Variants in DGKB observed in about 807,000 individuals in gnomAD.
The protein encoded by DGKB is diacylglycerol kinase beta, also known as 90 kDa diacylglycerol kinase.
DGKB carries 67 observed loss-of-function variants against 114.3 expected under a neutral mutation model. The ratio of observed to expected loss-of-function variants is 0.59; its 90% CI spans 0.48 to 0.72. The LOEUF is 0.72. Ranked by LOEUF, DGKB falls within the 30% of genes least tolerant of loss-of-function variation. The probability of loss-of-function intolerance (pLI) is 0.00; values close to 1 mark genes in which losing one functional copy is unlikely to be tolerated. For missense variants in DGKB, 907 were observed against 975.2 expected (o/e 0.93, Z 0.93); for synonymous variants, 398 against 323.1 (o/e 1.23, Z -2.49).
At chr7:14,910,298 GAAAGAAAGAAAGAAA>G (rs1783930908) in intron 1 of DGKB, among the ~76,000 whole-genome samples, 1 of 116,742 alleles carries the variant, frequency 8.6e-6, no homozygotes, top group African/African-American at 3.1e-5. Flanking sequence ...AAGAAAGAAA[GAAAGAAAGAAAGAAA>G]GAACCTTATA....
In DGKB at chr7:14,757,692, T is replaced by C. The variant is rs765330524; in HGVS notation, c.110A>G (p.His37Arg). The C allele has an allele frequency of 1.9e-6, 3 of 1,606,418 alleles. No homozygotes were observed. The highest frequency in any genetic ancestry group is 1.7e-5 in the Admixed American group (1 of 59,434). ...ATACTTTGCAAGCACACCATTACCA[T>C]GGAATTCTTCAAGAACATCCTTTAA... ...KKLKDVLEEF[H>R]GNGVLAKYNP... The change falls in exon 3 of 26, where the codon CAT becomes CGT. Residue 37 changes from histidine (H) to arginine (R), a missense_variant. Physicochemically the swap from His to Arg is conservative, Grantham distance 29. This residue lies in a region of DGKB where 814 missense variants were observed against 856.6 expected (regional missense o/e 0.95). Transcript: ENST00000402815.
chr7:14,812,429 G>C (rs1843568039), intron 2 of DGKB, among the ~76,000 whole-genome samples: 1 of 151,888 alleles, frequency 6.6e-6, no homozygotes, highest in African/African-American at 2.4e-5. Flanking sequence ...AGTATTTATA[G>C]TCCTTCTTCC....
intron 25 of DGKB, among the ~76,000 whole-genome samples, chr7:14,170,865 G>A (rs1363993233): frequency 6.6e-6 from 1 of 152,170 alleles, no homozygotes; most frequent in Non-Finnish European, 1.5e-5. Flanking sequence ...CTTCCTAGTA[G>A]AGGACACAAA....
At chr7:14,836,783 G>T (rs1028275500) in intron 2 of DGKB, among the ~76,000 whole-genome samples, 1 of 152,218 alleles carries the variant, frequency 6.6e-6, no homozygotes, top group Non-Finnish European at 1.5e-5. Context: ...AGCAGGCTCC[G>T]TATCAGCTGC....
At chr7:14,893,615 T>A (rs1273786622) in intron 1 of DGKB, among the ~76,000 whole-genome samples, 3 of 151,318 alleles carry the variant, frequency 2.0e-5, no homozygotes, top group East Asian at 1.9e-4. Flanking sequence ...ATCTCTTTAA[T>A]CATATAGCCA....
intron 8 of DGKB, among the ~76,000 whole-genome samples, chr7:14,697,839 G>A (rs971547334): frequency 7.2e-6 from 1 of 138,930 alleles, no homozygotes; most frequent in Non-Finnish European, 1.5e-5. Context: ...AGAGAAGGAA[G>A]GAAGGGAGAG....
intron 12 of DGKB, 74 bp downstream of exon 12, chr7:14,682,479 G>T (rs1335362797): frequency 2.0e-6 from 2 of 987,800 alleles, no homozygotes; most frequent in East Asian, 4.8e-5. Context: ...TCTAGGGTAG[G>T]ACTTTCAGAG....
chr7:14,273,909 A>T (rs967121187), intron 23 of DGKB, among the ~76,000 whole-genome samples: 4 of 152,242 alleles, frequency 2.6e-5, no homozygotes, highest in Non-Finnish European at 5.9e-5. Flanking sequence ...GATAATCAAG[A>T]TGACAATACC....
At chr7:14,169,364 C>CAAAAAAAAAA (rs35418998) in intron 25 of DGKB, among the ~76,000 whole-genome samples, 34 of 65,268 alleles carry the variant, frequency 5.2e-4, no homozygotes, top group Non-Finnish European at 8.2e-4. Context: ...GACTCCGTCT[C>CAAAAAAAAAA]AAAAAAAAAA....
At chr7:14,394,666 A>T (rs1290826358) in intron 21 of DGKB, among the ~76,000 whole-genome samples, 30 of 149,540 alleles carry the variant, frequency 2.0e-4, no homozygotes, top group Non-Finnish European at 2.2e-4. Context: ...ATCAATGACC[A>T]TTTTTTTTTT....
At position 14,777,871 on chromosome 7, in the gene DGKB, G is replaced by C. The variant is rs528256405; in HGVS notation, c.71-20140C>G. Among the ~76,000 whole-genome samples the C allele has an allele frequency of 4.4e-3, 668 of 152,130 alleles. 8 individuals carry two copies. The highest frequency in any genetic ancestry group is 0.015 in the African/African-American group (626 of 41,500). On this transcript the variant is annotated intron_variant, in intron 2 of 25. Transcript: ENST00000402815. Reference sequence around the variant, plus strand: ...TTAATATCCTGCTTAATTTGCCCTTGAGCAAGTTTGAACTAATTTAATTTG... The same window carrying C: ...TTAATATCCTGCTTAATTTGCCCTTCAGCAAGTTTGAACTAATTTAATTTG...
At position 14,721,732 on chromosome 7, in the gene DGKB, G is replaced by A. The variant is rs572233873; in HGVS notation, c.323-3047C>T. ...CTTAAGTCCAATAGCAGCCAAATTTGAGAGGTAAAATATATATTTTTGGAA... is the reference window on the plus strand; with the variant it reads ...CTTAAGTCCAATAGCAGCCAAATTTAAGAGGTAAAATATATATTTTTGGAA... On this transcript the variant is annotated intron_variant, in intron 5 of 25. Coordinates refer to ENST00000402815, the MANE Select transcript of DGKB (RefSeq NM_001350709.2). 3.3e-5 allele frequency among the ~76,000 whole-genome samples: 5 copies of A among 152,222 alleles called. No homozygotes were observed. In the East Asian group the frequency reaches 9.7e-4, roughly 29 times the overall value.
At chr7:14,364,430 G>C (rs1203156977) in intron 21 of DGKB, among the ~76,000 whole-genome samples, 2 of 151,618 alleles carry the variant, frequency 1.3e-5, no homozygotes, top group Non-Finnish European at 2.9e-5. Context: ...AAGGAAGGAA[G>C]GAAGGAAGGA....
rs530600448 is a variant in DGKB, at chr7:14,858,726, A to C, written c.-187-17276T>G. Among the ~76,000 whole-genome samples, 14 of 152,302 alleles carry C rather than the reference A, an allele frequency of 9.2e-5. No individual in the cohort carries two copies. The South Asian group carries it at 2.5e-3, about 27-fold the overall frequency. ...GATCAACCAGATCAGCAGAAAGCCG[A>C]GATATGAGTAGGAGCTTTAGGTAAT... On this transcript the variant is annotated intron_variant, in intron 1 of 25. Transcript: ENST00000402815.
At chr7:14,237,486 AG>A (rs150155038) in intron 23 of DGKB, among the ~76,000 whole-genome samples, 3,879 of 152,080 alleles carry the variant, frequency 0.026, 166 homozygotes, top group African/African-American at 0.089. Context: ...GTCCTTGCCT[AG>A]GCCACCAAAT....
rs1221289399 is a variant in DGKB, at chr7:14,594,410, G to T, written c.1434-11273C>A. Among the ~76,000 whole-genome samples the T allele has an allele frequency of 2.6e-5, 4 of 152,012 alleles. No homozygotes were observed. The East Asian group carries it at 7.7e-4, about 29-fold the overall frequency. On this transcript the variant is annotated intron_variant, in intron 17 of 25. Coordinates refer to ENST00000402815, the MANE Select transcript of DGKB (RefSeq NM_001350709.2). ...TGTAAGTTACATGACTAAACATAGA[G>T]AATTGACAGACAATTCTGATGTAGT...
At chr7:14,823,967 G>C (rs1445036272) in intron 2 of DGKB, among the ~76,000 whole-genome samples, 1 of 152,150 alleles carries the variant, frequency 6.6e-6, no homozygotes, top group East Asian at 1.9e-4. Context: ...TTGACTCATA[G>C]TTCCACATGG....
At chr7:14,879,663 A>G (rs1853915592) in intron 1 of DGKB, among the ~76,000 whole-genome samples, 1 of 152,198 alleles carries the variant, frequency 6.6e-6, no homozygotes, top group Non-Finnish European at 1.5e-5. Flanking sequence ...TGACCCAACA[A>G]AAACATTCGT....
intron 2 of DGKB, among the ~76,000 whole-genome samples, chr7:14,760,114 T>C (rs979501): frequency 0.25 from 37,871 of 152,054 alleles, 5,868 homozygotes; most frequent in African/African-American, 0.43. Context: ...GTTTGTCTTT[T>C]TGTTGTGGAC....
Sources: gnomAD v4.1 joint callset for allele counts (sites outside exome capture counted in the v4.1 genomes callset) on GRCh38, gnomAD v4.1.1 for gene constraint, gnomAD v4.1.1 regional missense constraint, MANE v1.5 for transcripts, NCBI Gene and HGNC (gene_info 2026-07-23, HGNC 2026-07-21) for gene names.